NKAIN2: variants seen among roughly 807,000 people sequenced by gnomAD.
NKAIN2 encodes the protein sodium/potassium-transporting ATPase subunit beta-1-interacting protein 2.
A neutral mutation model predicts 32.6 loss-of-function variants in NKAIN2; 14 were observed. The ratio of observed to expected loss-of-function variants is 0.43; its 90% CI spans 0.28 to 0.67. The LOEUF is 0.67. NKAIN2 is among the 30% of genes least tolerant of loss of function. The pLI is 0.17. For synonymous variants in NKAIN2, 80 were observed against 87.2 expected (o/e 0.92, Z 0.46); for missense variants, 198 against 258.3 (o/e 0.77, Z 1.60).
At chr6:124,574,144 C>A (rs1781240621) in intron 3 of NKAIN2, among the ~76,000 whole-genome samples, 2 of 152,124 alleles carry the variant, frequency 1.3e-5, no homozygotes, top group African/African-American at 4.8e-5. Context: ...AGCTGCAGGG[C>A]AACTGTTTTC....
intron 1 of NKAIN2, among the ~76,000 whole-genome samples, chr6:124,004,859 A>AT (rs200401407): frequency 1.1e-3 from 162 of 150,318 alleles, no homozygotes; most frequent in African/African-American, 3.8e-3. Flanking sequence ...TTAAGGTGTA[A>AT]TTAAAAAAAA....
At chr6:124,343,692 TG>T (rs1232669414) in intron 2 of NKAIN2, among the ~76,000 whole-genome samples, 1 of 149,612 alleles carries the variant, frequency 6.7e-6, no homozygotes, top group African/African-American at 2.4e-5. Context: ...GTTTTTTTCT[TG>T]TAAATTTGTT....
At chr6:123,870,609 A>G (rs962989757) in intron 1 of NKAIN2, among the ~76,000 whole-genome samples, 2 of 152,180 alleles carry the variant, frequency 1.3e-5, no homozygotes, top group East Asian at 1.9e-4. Context: ...TATGTAGTGG[A>G]GATATATATT....
At position 124,096,698 on chromosome 6, in the gene NKAIN2, C is replaced by CA. The variant is rs555758655; in HGVS notation, c.55-186297dup. ...TGAAACCCCATCTCTACTAAAAATA[C>CA]AAAAAAAAAATTAGCCGGGCGTGGT... On this transcript the variant is annotated intron_variant, in intron 1 of 6. Transcript: ENST00000368417. 2.2e-3 allele frequency among the ~76,000 whole-genome samples: 319 copies of CA among 147,748 alleles called. 4 individuals carry two copies. The highest frequency in any genetic ancestry group is 6.5e-3 in the African/African-American group (264 of 40,422).
chr6:124,300,288 G>A (rs1332889407), intron 2 of NKAIN2, among the ~76,000 whole-genome samples: 1 of 152,064 alleles, frequency 6.6e-6, no homozygotes, highest in Non-Finnish European at 1.5e-5. Context: ...GAGTATTCCT[G>A]CACAAGCTGT....
chr6:123,873,197 C>T (rs1349400041), intron 1 of NKAIN2, among the ~76,000 whole-genome samples: 11 of 150,434 alleles, frequency 7.3e-5, no homozygotes, highest in African/African-American at 2.5e-4. Flanking sequence ...CACCCCCACC[C>T]GCCATGGAAG....
chr6:124,537,761 A>C (rs1583407003), intron 3 of NKAIN2, among the ~76,000 whole-genome samples: 1 of 152,218 alleles, frequency 6.6e-6, no homozygotes, highest in Non-Finnish European at 1.5e-5. Flanking sequence ...AAATAAGCTC[A>C]TGATTATCTG....
intron 5 of NKAIN2, among the ~76,000 whole-genome samples, chr6:124,809,452 G>C (rs9491243): frequency 0.26 from 30,307 of 118,372 alleles, 1,494 homozygotes; most frequent in East Asian, 0.41. Context: ...GAAACTGGAT[G>C]CCTTCCTTAC....
chr6:124,362,328 G>T (rs1380803222), intron 3 of NKAIN2, among the ~76,000 whole-genome samples: 1 of 152,072 alleles, frequency 6.6e-6, no homozygotes, highest in Non-Finnish European at 1.5e-5. Flanking sequence ...ATAATTAAAT[G>T]TAATGTAACT....
intron 1 of NKAIN2, among the ~76,000 whole-genome samples, chr6:124,119,892 C>T (rs1216598345): frequency 2.0e-5 from 3 of 152,138 alleles, no homozygotes; most frequent in Non-Finnish European, 4.4e-5. Flanking sequence ...ACAAATCCTT[C>T]TTGGTCCCAT....
intron 3 of NKAIN2, chr6:124,390,860 T>A (rs1376947308): frequency 1.3e-5 from 2 of 152,034 alleles, no homozygotes; most frequent in Admixed American, 1.3e-4. Flanking sequence ...CTGCATCTAT[T>A]CCTGTAGACC....
chr6:124,758,903 G>C (rs1297062324), intron 4 of NKAIN2, among the ~76,000 whole-genome samples: 1 of 152,002 alleles, frequency 6.6e-6, no homozygotes, highest in African/African-American at 2.4e-5. Context: ...ACATTGTCTG[G>C]TATCTTCTCC....
chr6:124,347,266 C>T, intron 2 of NKAIN2, among the ~76,000 whole-genome samples: 1 of 152,104 alleles, frequency 6.6e-6, no homozygotes, highest in Non-Finnish European at 1.5e-5. Flanking sequence ...CTGCCTTTAA[C>T]ATTTTTTCCT....
intron 1 of NKAIN2, among the ~76,000 whole-genome samples, chr6:123,896,690 T>C (rs1774295205): frequency 6.6e-6 from 1 of 152,192 alleles, no homozygotes; most frequent in African/African-American, 2.4e-5. Flanking sequence ...AGGCTTCTTT[T>C]GTCAATCCAC....
intron 1 of NKAIN2, among the ~76,000 whole-genome samples, chr6:124,269,700 T>A (rs1296490714): frequency 6.6e-6 from 1 of 152,020 alleles, no homozygotes; most frequent in East Asian, 1.9e-4. Flanking sequence ...GCTCCTGACC[T>A]CAGGTGATCC....
chr6:124,779,672 C>T (rs1779169262), intron 4 of NKAIN2, among the ~76,000 whole-genome samples: 1 of 152,020 alleles, frequency 6.6e-6, no homozygotes, highest in Non-Finnish European at 1.5e-5. Context: ...GTGAACAAGC[C>T]CAGATTATTC....
chr6:124,661,757 T>C (rs1388656174), intron 4 of NKAIN2, among the ~76,000 whole-genome samples: 1 of 152,068 alleles, frequency 6.6e-6, no homozygotes, highest in African/African-American at 2.4e-5. Context: ...AATACAGATG[T>C]GCACAGATTT....
At chr6:124,559,735 C>T (rs899543554) in intron 3 of NKAIN2, among the ~76,000 whole-genome samples, 1 of 151,608 alleles carries the variant, frequency 6.6e-6, no homozygotes, top group Non-Finnish European at 1.5e-5. Context: ...ATGCCACGTC[C>T]TGGGTCATCC....
intron 1 of NKAIN2, among the ~76,000 whole-genome samples, chr6:124,180,552 C>A (rs528649285): frequency 6.6e-6 from 1 of 152,266 alleles, no homozygotes; most frequent in African/African-American, 2.4e-5. Context: ...TATCATTCCA[C>A]CCCTGGCCCC....
Sources: allele counts gnomAD v4.1 joint callset (sites outside exome capture counted in the v4.1 genomes callset), GRCh38; gene constraint gnomAD v4.1.1; transcripts MANE v1.5; gene names NCBI Gene and HGNC (gene_info 2026-07-23, HGNC 2026-07-21).